The following GRID2 variants were observed in gnomAD, a reference collection of about 807,000 sequenced individuals.
GRID2 encodes the protein glutamate receptor ionotropic, delta-2.
In GRID2, 33 loss-of-function variants were observed where a neutral mutation model predicts 114.8. The ratio of observed to expected loss-of-function variants is 0.29; its 90% CI spans 0.22 to 0.38. GRID2 has a LOEUF of 0.38. GRID2 is among the 10% of genes least tolerant of loss of function. GRID2 has a pLI of 1.00. For missense variants in GRID2, 1,184 were observed against 1,257.7 expected, an observed-to-expected ratio of 0.94 and a Z score of 0.89; for synonymous variants, 505 against 449.9, an observed-to-expected ratio of 1.12 and a Z score of -1.55.
chr4:93,147,235 G>C lies in GRID2; in HGVS notation c.735+36282G>C, dbSNP rs62308222. ...AACCTACAGTGTTATCAGTGCAGCAGAGAGAATCAAAAAACAAACAAAAAT... is the reference window on the plus strand; with the variant it reads ...AACCTACAGTGTTATCAGTGCAGCACAGAGAATCAAAAAACAAACAAAAAT... On this transcript the variant is annotated intron_variant, in intron 4 of 15. Coordinates refer to ENST00000282020, the MANE Select transcript of GRID2 (RefSeq NM_001510.4). Among the ~76,000 whole-genome samples the C allele has an allele frequency of 1.8e-3, 281 of 152,186 alleles. 1 individual carries two copies. Among genetic ancestry groups the C allele is most frequent in the African/African-American group, 6.5e-3 (268 of 41,546 alleles).
intron 1 of GRID2, among the ~76,000 whole-genome samples, chr4:92,509,651 T>C (rs115201703): frequency 6.6e-6 from 1 of 151,918 alleles, no homozygotes; most frequent in Non-Finnish European, 1.5e-5. Flanking sequence ...TGAGGTAGAG[T>C]AGTGGCATTG....
At chr4:92,718,049 A>G (rs866159404) in intron 2 of GRID2, among the ~76,000 whole-genome samples, 58 of 152,276 alleles carry the variant, frequency 3.8e-4, no homozygotes, top group African/African-American at 1.3e-3. Context: ...ACTCATTTGT[A>G]GAAAACCTGT....
At chr4:93,656,799 C>T (rs1323561625) in intron 14 of GRID2, among the ~76,000 whole-genome samples, 1 of 100,190 alleles carries the variant, frequency 1.0e-5, no homozygotes, top group African/African-American at 3.7e-5. Flanking sequence ...CACTGCACTT[C>T]AGCCTGGGTG....
At chr4:93,694,853 A>C (rs1026722758) in intron 14 of GRID2, among the ~76,000 whole-genome samples, 1 of 151,948 alleles carries the variant, frequency 6.6e-6, no homozygotes, top group African/African-American at 2.4e-5. Context: ...AAGATCTTAA[A>C]CTCCATATAT....
intron 8 of GRID2, among the ~76,000 whole-genome samples, chr4:93,284,763 A>G (rs562541111): frequency 2.6e-5 from 4 of 151,446 alleles, no homozygotes; most frequent in Non-Finnish European, 5.9e-5. Context: ...TGTATGAAAT[A>G]TATGGATAAC....
chr4:93,717,323 C>G (rs1051201764), intron 14 of GRID2, among the ~76,000 whole-genome samples: 1 of 151,776 alleles, frequency 6.6e-6, no homozygotes, highest in Non-Finnish European at 1.5e-5. Context: ...TTTATTGTCA[C>G]TCTCTCAATA....
chr4:92,607,527 T>C (rs931621134), intron 2 of GRID2, among the ~76,000 whole-genome samples: 3 of 151,886 alleles, frequency 2.0e-5, no homozygotes, highest in African/African-American at 4.8e-5. Context: ...AGATTTTCTT[T>C]TGCTTGGTAA....
At chr4:93,012,316 C>T (rs1722261135) in intron 2 of GRID2, among the ~76,000 whole-genome samples, 1 of 152,050 alleles carries the variant, frequency 6.6e-6, no homozygotes, top group Admixed American at 6.6e-5. Context: ...TTAGTCAAAA[C>T]TGCAGATTCA....
intron 2 of GRID2, among the ~76,000 whole-genome samples, chr4:93,045,469 C>A (rs565481190): frequency 6.6e-6 from 1 of 152,120 alleles, no homozygotes; most frequent in East Asian, 1.9e-4. Context: ...TTGCTTTCAT[C>A]CAGTTAACAA....
intron 2 of GRID2, among the ~76,000 whole-genome samples, chr4:92,959,060 T>C (rs1364701238): frequency 7.3e-5 from 11 of 150,504 alleles, no homozygotes; most frequent in South Asian, 6.2e-4. Context: ...CACTCTTCTT[T>C]TTTTTTTTTT....
chr4:92,940,244 A>G (rs913317087), intron 2 of GRID2, among the ~76,000 whole-genome samples: 2 of 146,914 alleles, frequency 1.4e-5, no homozygotes, highest in African/African-American at 4.9e-5. Flanking sequence ...TATTTCATTG[A>G]GCAGTGATTT....
At chr4:92,501,082 T>A (rs1723660732) in intron 1 of GRID2, among the ~76,000 whole-genome samples, 1 of 152,140 alleles carries the variant, frequency 6.6e-6, no homozygotes, top group African/African-American at 2.4e-5. Context: ...AAGATTCTTC[T>A]CTCAGGAGGG....
At chr4:93,264,761 T>TATATATATCATTTGAATG (rs1750629713) in intron 8 of GRID2, among the ~76,000 whole-genome samples, 13 of 14,550 alleles carry the variant, frequency 8.9e-4, no homozygotes, top group Admixed American at 6.4e-3. Flanking sequence ...TTGAATGATA[T>TATATATATCATTTGAATG]ATATATATAT....
At chr4:92,744,547 A>T (rs1737055165) in intron 2 of GRID2, among the ~76,000 whole-genome samples, 1 of 151,720 alleles carries the variant, frequency 6.6e-6, no homozygotes, top group Non-Finnish European at 1.5e-5. Context: ...GTGTGACTCC[A>T]TCATAAACCT....
At chr4:93,597,437 C>T (rs562161767) in intron 13 of GRID2, among the ~76,000 whole-genome samples, 1 of 152,236 alleles carries the variant, frequency 6.6e-6, no homozygotes, top group South Asian at 2.1e-4. Context: ...AAGAGACTTA[C>T]CAGCTTCTCC....
intron 1 of GRID2, among the ~76,000 whole-genome samples, chr4:92,390,930 T>A (rs1730210984): frequency 6.6e-6 from 1 of 152,188 alleles, no homozygotes; most frequent in Non-Finnish European, 1.5e-5. Context: ...GTACCCAGGA[T>A]AAAATAGGTG....
At chr4:93,093,989 A>AT (rs1730995781) in intron 3 of GRID2, among the ~76,000 whole-genome samples, 1 of 152,020 alleles carries the variant, frequency 6.6e-6, no homozygotes, top group South Asian at 2.1e-4. Context: ...GGGTAACACC[A>AT]TTTATTTCAG....
chr4:93,587,519 A>G (rs1434603975), intron 13 of GRID2, among the ~76,000 whole-genome samples: 1 of 152,062 alleles, frequency 6.6e-6, no homozygotes, highest in Non-Finnish European at 1.5e-5. Flanking sequence ...ATTAAATTTT[A>G]GTTAGAGTAT....
intron 13 of GRID2, among the ~76,000 whole-genome samples, chr4:93,573,384 T>G (rs1481338197): frequency 6.6e-6 from 1 of 152,192 alleles, no homozygotes; most frequent in Non-Finnish European, 1.5e-5. Context: ...CATGTTAATG[T>G]ATATCATCTT....
Sources: allele counts gnomAD v4.1 joint callset (sites outside exome capture counted in the v4.1 genomes callset), GRCh38; gene constraint gnomAD v4.1.1; transcripts MANE v1.5; gene names NCBI Gene and HGNC (gene_info 2026-07-23, HGNC 2026-07-21).